Variants in STK39 observed in about 807,000 individuals in gnomAD.
STK39 encodes serine/threonine kinase 39.
Under a neutral mutation model 77.8 loss-of-function variants are expected in STK39, and 20 were observed. The ratio of observed to expected loss-of-function variants is 0.26; its 90% CI spans 0.18 to 0.37. STK39 has a LOEUF of 0.37. Among genes scored for constraint, STK39 ranks in the 10% least tolerant of loss-of-function variants. The pLI, the probability that STK39 is intolerant of heterozygous loss-of-function variation, is 1.00. For missense variants in STK39, 479 were observed against 656.5 expected (o/e 0.73, Z 2.95); for synonymous variants, 246 against 234.1 (o/e 1.05, Z -0.47).
chr2:168,202,854 G>A (rs1689644851), intron 1 of STK39, among the ~76,000 whole-genome samples: 1 of 152,090 alleles, frequency 6.6e-6, no homozygotes, highest in African/African-American at 2.4e-5. Context: ...TGCAGAGTAT[G>A]GTAAGTGTGC....
chr2:168,143,143 C>T (rs1688039192), intron 5 of STK39, among the ~76,000 whole-genome samples: 1 of 152,188 alleles, frequency 6.6e-6, no homozygotes, highest in Non-Finnish European at 1.5e-5. Flanking sequence ...GTCCATCTCC[C>T]TGCCTCCAGG....
intron 2 of STK39, among the ~76,000 whole-genome samples, chr2:168,176,644 T>C (rs1688963003): frequency 6.6e-6 from 1 of 152,194 alleles, no homozygotes; most frequent in Admixed American, 6.5e-5. Context: ...CTTGATTTTA[T>C]CTATAAATAT....
chr2:168,060,264 G>A (rs1386581751), intron 14 of STK39, among the ~76,000 whole-genome samples: 4 of 152,004 alleles, frequency 2.6e-5, no homozygotes, highest in Non-Finnish European at 4.4e-5. Context: ...GTACTGAATC[G>A]TGGCCCACCC....
intron 1 of STK39, among the ~76,000 whole-genome samples, chr2:168,202,273 C>A (rs1008699182): frequency 6.6e-6 from 1 of 152,196 alleles, no homozygotes; most frequent in African/African-American, 2.4e-5. Context: ...AAACCATCAT[C>A]AAATTCAAAC....
At chr2:168,213,147 A>G (rs1005566341) in intron 1 of STK39, among the ~76,000 whole-genome samples, 11 of 152,248 alleles carry the variant, frequency 7.2e-5, no homozygotes, top group Middle Eastern at 3.2e-3. Context: ...CCATGGTGAC[A>G]GCAAATGTCT....
chr2:167,975,825 C>T (rs1683262532), intron 16 of STK39, among the ~76,000 whole-genome samples: 1 of 152,284 alleles, frequency 6.6e-6, no homozygotes, highest in Admixed American at 6.5e-5. Context: ...TTCTCCATGA[C>T]CGCAGAAAGC....
intron 1 of STK39, among the ~76,000 whole-genome samples, chr2:168,191,139 T>C (rs1401149243): frequency 6.6e-6 from 1 of 152,080 alleles, no homozygotes; most frequent in Non-Finnish European, 1.5e-5. Flanking sequence ...TCCCACTCCA[T>C]CCCTTCTTTG....
chr2:168,214,685 T>C (rs912424562), intron 1 of STK39, among the ~76,000 whole-genome samples: 1 of 152,110 alleles, frequency 6.6e-6, no homozygotes, highest in Non-Finnish European at 1.5e-5. Flanking sequence ...TACAAGAATA[T>C]ATACAAAGGA....
At chr2:168,021,353 G>A (rs1409801318) in intron 14 of STK39, among the ~76,000 whole-genome samples, 1 of 152,042 alleles carries the variant, frequency 6.6e-6, no homozygotes, top group African/African-American at 2.4e-5. Flanking sequence ...TAAAATACTC[G>A]CCTTTGAAAA....
At chr2:167,984,055 G>C (rs1683497318) in intron 16 of STK39, among the ~76,000 whole-genome samples, 1 of 152,198 alleles carries the variant, frequency 6.6e-6, no homozygotes, top group Non-Finnish European at 1.5e-5. Context: ...GGAAACTCAA[G>C]CTGTTGCCTA....
intron 8 of STK39, among the ~76,000 whole-genome samples, chr2:168,130,124 C>T (rs1687641724): frequency 1.3e-5 from 2 of 152,062 alleles, no homozygotes; most frequent in Admixed American, 1.3e-4. Flanking sequence ...ACCATATGAC[C>T]CTGTCAAAGA....
chr2:168,103,478 T>G (rs1202792255), intron 10 of STK39, among the ~76,000 whole-genome samples: 1 of 152,202 alleles, frequency 6.6e-6, no homozygotes, highest in Non-Finnish European at 1.5e-5. Flanking sequence ...AACATTGCCC[T>G]TCTTTGTACC....
At chr2:168,120,346 A>T (rs1687372847) in intron 10 of STK39, among the ~76,000 whole-genome samples, 1 of 152,186 alleles carries the variant, frequency 6.6e-6, no homozygotes, top group African/African-American at 2.4e-5. Context: ...TACCAGCTTC[A>T]TGACCTTTCC....
At position 168,233,976 on chromosome 2, in the gene STK39, C is replaced by T. The variant is rs550383767; in HGVS notation, c.208+13252G>A. On this transcript the variant is annotated intron_variant, in intron 1 of 17. Coordinates refer to ENST00000355999, the MANE Select transcript of STK39 (RefSeq NM_013233.3). ...ATATTTCAAAACTATTTTCCTAAGT[C>T]GACAGGGGTATCTGTTTCACCACAC... Among the ~76,000 whole-genome samples the T allele has an allele frequency of 3.5e-4, 54 of 152,208 alleles. 1 individual carries two copies. The South Asian group carries it at 8.1e-3, about 23-fold the overall frequency.
intron 14 of STK39, among the ~76,000 whole-genome samples, chr2:168,024,752 CAT>C (rs1419360220): frequency 2.0e-5 from 3 of 152,190 alleles, no homozygotes; most frequent in Non-Finnish European, 2.9e-5. Context: ...TGATGTTTTA[CAT>C]ATGTTATCTC....
At chr2:168,226,412 T>TG (rs1163800059) in intron 1 of STK39, among the ~76,000 whole-genome samples, 2 of 152,238 alleles carry the variant, frequency 1.3e-5, no homozygotes, top group Non-Finnish European at 2.9e-5. Flanking sequence ...AGTGAGTCCC[T>TG]GTTCCTTACA....
intron 12 of STK39, among the ~76,000 whole-genome samples, chr2:168,066,879 G>C (rs923972356): frequency 1.3e-5 from 2 of 152,250 alleles, no homozygotes; most frequent in African/African-American, 2.4e-5. Flanking sequence ...GCTGGACAGG[G>C]AGGGAATACA....
At chr2:168,010,749 TTATGA>T (rs1342224480) in intron 16 of STK39, among the ~76,000 whole-genome samples, 2 of 152,228 alleles carry the variant, frequency 1.3e-5, no homozygotes, top group African/African-American at 2.4e-5. Flanking sequence ...GTATCTGCAT[TTATGA>T]TATATCATTT....
chr2:168,007,020 A>G (rs1481017073), intron 16 of STK39, among the ~76,000 whole-genome samples: 1 of 152,252 alleles, frequency 6.6e-6, no homozygotes, highest in African/African-American at 2.4e-5. Flanking sequence ...TCACTGCTCC[A>G]TAACATATGC....
Sources: gnomAD v4.1 joint callset for allele counts (sites outside exome capture counted in the v4.1 genomes callset) on GRCh38, gnomAD v4.1.1 for gene constraint, MANE v1.5 for transcripts, NCBI Gene and HGNC (gene_info 2026-07-23, HGNC 2026-07-21) for gene names.